ARHGAP40: variants seen among roughly 807,000 people sequenced by gnomAD.
The protein encoded by ARHGAP40 is rho GTPase-activating protein 40.
A neutral mutation model predicts 73.5 loss-of-function variants in ARHGAP40; 43 were observed. That is an observed-to-expected ratio of 0.58 (90% CI 0.46 to 0.75). The LOEUF (loss-of-function observed/expected upper bound fraction) is 0.75. Among genes scored for constraint, ARHGAP40 ranks in the 30% least tolerant of loss-of-function variants. ARHGAP40 has a pLI of 0.00. For synonymous variants in ARHGAP40, 300 were observed against 352.8 expected, an observed-to-expected ratio of 0.85 and a Z score of 1.68; for missense variants, 734 against 861.8, an observed-to-expected ratio of 0.85 and a Z score of 1.86.
intron 1 of ARHGAP40, chr20:38,615,451 AG>A (rs1420067377): frequency 1.4e-6 from 1 of 704,446 alleles, no homozygotes; most frequent in Non-Finnish European, 2.6e-6. Context: ...CTTCTCAGCC[AG>A]GAACTCGACC....
chr20:38,615,382 C>T (rs546215905), intron 1 of ARHGAP40: 4 of 743,086 alleles, frequency 5.4e-6, no homozygotes, highest in African/African-American at 1.7e-5. Context: ...GCCCCAGGTA[C>T]CCACCCCAAT....
At chr20:38,639,426 AG>A in intron 9 of ARHGAP40, 40 bp downstream of exon 9, 1 of 1,285,262 alleles carries the variant, frequency 7.8e-7, no homozygotes, top group Non-Finnish European at 1.0e-6. Context: ...AGGGATGGAG[AG>A]TTGGCTCACT....
intron 1 of ARHGAP40, among the ~76,000 whole-genome samples, chr20:38,617,251 C>T (rs1041975416): frequency 6.6e-6 from 1 of 152,210 alleles, no homozygotes; most frequent in Non-Finnish European, 1.5e-5. Flanking sequence ...TGCTGGCTTT[C>T]GGCTTCCCTG....
Position 38,638,828 on chromosome 20 carries a change from C to G in ARHGAP40, c.1109C>G (p.Ala370Gly), listed in dbSNP as rs1314368223. ...ATTCTCAGGGTGCCCGGATCCCAGG[C>G]CAGGGTCAAGGTAATGGTTTGGCTT... Residue 370 changes from alanine to glycine, a missense_variant, in exon 8 of 15, where the codon GCC becomes GGC. Physicochemically the swap from Ala to Gly is moderately conservative, Grantham distance 60. Coordinates refer to ENST00000373345, the Ensembl canonical transcript of ARHGAP40. 4 of 1,305,308 alleles carry G rather than the reference C, an allele frequency of 3.1e-6. No homozygotes were observed. The East Asian group carries it at 2.2e-4, about 72-fold the overall frequency. The allele number at this position is 1,305,308 out of a possible 1,614,324, so 80.9% of individuals were successfully genotyped here. A position where few individuals can be genotyped will look rare whatever the true frequency, so the allele number is the denominator to read the frequency against.
At chr20:38,623,127 G>A (rs1177310046) in intron 1 of ARHGAP40, among the ~76,000 whole-genome samples, 4 of 152,234 alleles carry the variant, frequency 2.6e-5, no homozygotes, top group African/African-American at 9.7e-5. Context: ...GTGGAAGCAA[G>A]CAGAGCAGTC....
At chr20:38,603,474 A>ATCT in intron 1 of ARHGAP40, among the ~76,000 whole-genome samples, 1 of 139,714 alleles carries the variant, frequency 7.2e-6, no homozygotes, top group Non-Finnish European at 1.6e-5. Context: ...TTCTATATCT[A>ATCT]ATCTATCCAT....
At chr20:38,644,955 T>A (rs1329874065) in intron 11 of ARHGAP40, among the ~76,000 whole-genome samples, 2 of 152,156 alleles carry the variant, frequency 1.3e-5, no homozygotes, top group African/African-American at 4.8e-5. Context: ...TCCATGGTCA[T>A]TAGGTTAGAT....
At chr20:38,624,037 G>A (rs1046642508) in intron 2 of ARHGAP40, among the ~76,000 whole-genome samples, 31 of 152,172 alleles carry the variant, frequency 2.0e-4, no homozygotes, top group Admixed American at 1.5e-3. Flanking sequence ...GAAGCATAAT[G>A]CAGCAATAAT....
rs1206655693 is a variant in ARHGAP40 at position 38,638,889 on chromosome 20, ACATGTGTGTTAAGCCGGGAGGGAAAC to A, written c.1119+54_1119+79del. ...CTGAGGCTGCATCTCCCCCATGCTCACATGTGTGTTAAGCCGGGAGGGAAACCAGTCCCTGACTCGCCAGTGATCTG... is the reference window on the plus strand; with the variant it reads ...CTGAGGCTGCATCTCCCCCATGCTCACAGTCCCTGACTCGCCAGTGATCTG... On this transcript the variant is annotated intron_variant, in intron 8 of 14. Coordinates refer to ENST00000373345, the Ensembl canonical transcript of ARHGAP40. 2.3e-6 allele frequency: 3 copies of A among 1,282,866 alleles called. No individual in the cohort carries two copies. The East Asian group carries it at 1.7e-4, about 72-fold the overall frequency. The allele number at this position is 1,282,866 out of a possible 1,614,324, so 79.5% of individuals were successfully genotyped here.
At chr20:38,608,372 C>G (rs981801962) in intron 1 of ARHGAP40, among the ~76,000 whole-genome samples, 1 of 152,200 alleles carries the variant, frequency 6.6e-6, no homozygotes, top group Non-Finnish European at 1.5e-5. Flanking sequence ...CCCACTCCCC[C>G]TTTTGTTCTC....
At chr20:38,634,700 T>C (rs1378162989) in exon 6 of ARHGAP40, 2 of 1,305,392 alleles carry the variant, frequency 1.5e-6, no homozygotes, top group South Asian at 2.5e-5. Context: ...AGGTACCTTC[T>C]CTGGCCCTCA....
intron 1 of ARHGAP40, among the ~76,000 whole-genome samples, chr20:38,605,077 C>T (rs1055669733): frequency 6.6e-6 from 1 of 152,120 alleles, no homozygotes; most frequent in African/African-American, 2.4e-5. Context: ...CTCACTGGTC[C>T]CTTGCTTGTG....
In ARHGAP40 at chr20:38,637,735, A is replaced by G. The variant is rs757462533; in HGVS notation, c.977A>G (p.Asp326Gly). The G allele has an allele frequency of 1.4e-5, 18 of 1,305,088 alleles. No individual in the cohort carries two copies. The East Asian group carries it at 1.7e-4, about 12-fold the overall frequency. 80.8% of individuals were successfully genotyped at this position (1,305,088 alleles called of 1,614,324 possible). A position where few individuals can be genotyped will look rare whatever the true frequency, so the allele number is the denominator to read the frequency against. ...ACTCGCCTCTTTGGTGTGCCCCTTGACAGCCTGCTAGAAGCTGACCACAAA... is the reference window on the plus strand; with the variant it reads ...ACTCGCCTCTTTGGTGTGCCCCTTGGCAGCCTGCTAGAAGCTGACCACAAA... Residue 326 changes from aspartate (D) to glycine (G), a missense_variant, in exon 7 of 15, where the codon GAC (aspartate) becomes GGC (glycine). Coordinates refer to ENST00000373345, the Ensembl canonical transcript of ARHGAP40.
At chr20:38,648,055 A>G (rs2145617304) in intron 13 of ARHGAP40, among the ~76,000 whole-genome samples, 1 of 152,290 alleles carries the variant, frequency 6.6e-6, no homozygotes, top group East Asian at 1.9e-4. Context: ...CCTTGTTGGC[A>G]TTGGCACAAG....
chr20:38,602,619 G>A (rs2088742070), intron 1 of ARHGAP40, among the ~76,000 whole-genome samples: 1 of 152,174 alleles, frequency 6.6e-6, no homozygotes, highest in Non-Finnish European at 1.5e-5. Flanking sequence ...AAGTCAAACA[G>A]TGCAGGAATA....
At chr20:38,628,962 G>T in exon 4 of ARHGAP40, 1 of 1,305,034 alleles carries the variant, frequency 7.7e-7, no homozygotes, top group Non-Finnish European at 1.0e-6. Flanking sequence ...CCGGTATGAA[G>T]GGGGCCCAGC....
chr20:38,619,895 A>G (rs1463071004), intron 1 of ARHGAP40, among the ~76,000 whole-genome samples: 1 of 151,956 alleles, frequency 6.6e-6, no homozygotes, highest in Non-Finnish European at 1.5e-5. Flanking sequence ...GCAGCATAGC[A>G]AGACCTCGTC....
intron 1 of ARHGAP40, among the ~76,000 whole-genome samples, chr20:38,607,993 T>G (rs1433082054): frequency 1.3e-5 from 2 of 152,190 alleles, no homozygotes; most frequent in East Asian, 3.8e-4. Flanking sequence ...ATAGTAACAC[T>G]TTATCATTTG....
chr20:38,603,407 GTCTA>G (rs71330431), intron 1 of ARHGAP40, among the ~76,000 whole-genome samples: 20,217 of 129,318 alleles, frequency 0.16, 1,720 homozygotes, highest in African/African-American at 0.25. Context: ...TTGTTTATCT[GTCTA>G]TCTATCTATC....
Sources: gnomAD v4.1 joint callset for allele counts (sites outside exome capture counted in the v4.1 genomes callset) on GRCh38, gnomAD v4.1.1 for gene constraint, MANE v1.5 for transcripts, NCBI Gene and HGNC (gene_info 2026-07-23, HGNC 2026-07-21) for gene names.